The following UBE2G1 variants were observed in gnomAD, a reference collection of about 807,000 sequenced individuals.
UBE2G1 encodes ubiquitin-conjugating enzyme E2 G1.
A neutral mutation model predicts 22.7 loss-of-function variants in UBE2G1; 5 were observed. That is an observed-to-expected ratio of 0.22 (90% CI 0.12 to 0.46). UBE2G1 has a LOEUF of 0.46. Ranked by LOEUF, UBE2G1 falls within the 20% of genes least tolerant of loss-of-function variation. The pLI, the probability that UBE2G1 is intolerant of heterozygous loss-of-function variation, is 0.99. For synonymous variants in UBE2G1, 74 were observed against 67.5 expected, an observed-to-expected ratio of 1.10 and a Z score of -0.47; for missense variants, 88 against 203.9, an observed-to-expected ratio of 0.43 and a Z score of 3.46.
intron 1 of UBE2G1, among the ~76,000 whole-genome samples, chr17:4,315,479 G>T (rs1176256061): frequency 6.6e-6 from 1 of 152,038 alleles, no homozygotes; most frequent in Non-Finnish European, 1.5e-5. Context: ...TGTGGCTCGC[G>T]CCTGTAATCC....
At chr17:4,362,643 T>C (rs771250758) in intron 1 of UBE2G1, among the ~76,000 whole-genome samples, 13 of 152,212 alleles carry the variant, frequency 8.5e-5, no homozygotes, top group African/African-American at 2.2e-4. Flanking sequence ...TCCTTAAGGA[T>C]TGACAGACTA....
chr17:4,304,603 G>A (rs937708677), intron 2 of UBE2G1, among the ~76,000 whole-genome samples: 2 of 152,118 alleles, frequency 1.3e-5, no homozygotes, highest in Non-Finnish European at 1.5e-5. Flanking sequence ...AAAGAGAGTG[G>A]AGCGCCCTCT....
intron 1 of UBE2G1, among the ~76,000 whole-genome samples, chr17:4,317,855 T>C (rs532800532): frequency 6.6e-6 from 1 of 152,356 alleles, no homozygotes; most frequent in African/African-American, 2.4e-5. Context: ...CCAAGATTTG[T>C]CGCAGCAGGA....
At chr17:4,273,095 G>A (rs1968779543) in intron 5 of UBE2G1, among the ~76,000 whole-genome samples, 9 of 152,164 alleles carry the variant, frequency 5.9e-5, no homozygotes, top group Admixed American at 5.9e-4. Flanking sequence ...CAGTTTCTAA[G>A]TGTTTCAAAT....
chr17:4,291,550 A>G (rs965799749), intron 3 of UBE2G1, among the ~76,000 whole-genome samples: 1 of 152,072 alleles, frequency 6.6e-6, no homozygotes, highest in Admixed American at 6.6e-5. Context: ...ACTATATAAG[A>G]TCCATTTTCC....
chr17:4,322,442 T>A (rs573201739), intron 1 of UBE2G1, among the ~76,000 whole-genome samples: 1 of 152,238 alleles, frequency 6.6e-6, no homozygotes, highest in Non-Finnish European at 1.5e-5. Flanking sequence ...ATTTCTCTAA[T>A]TCAAATAACT....
chr17:4,343,398 G>C (rs942199996), intron 1 of UBE2G1, among the ~76,000 whole-genome samples: 1 of 152,030 alleles, frequency 6.6e-6, no homozygotes, highest in Non-Finnish European at 1.5e-5. Flanking sequence ...CAGCTACAAG[G>C]GAGGCTGAGG....
chr17:4,356,777 G>A (rs943474517), intron 1 of UBE2G1, among the ~76,000 whole-genome samples: 3 of 152,140 alleles, frequency 2.0e-5, no homozygotes, highest in African/African-American at 4.8e-5. Flanking sequence ...TCAACTTCCT[G>A]TTCCTTGAAC....
intron 2 of UBE2G1, 80 bp downstream of exon 2, chr17:4,306,941 T>C (rs886892863): frequency 5.2e-6 from 7 of 1,339,352 alleles, no homozygotes; most frequent in Non-Finnish European, 6.3e-6. Context: ...TGAGCCACCG[T>C]GCCCAGCCTG....
intron 2 of UBE2G1, among the ~76,000 whole-genome samples, chr17:4,301,157 T>A (rs1012883112): frequency 6.6e-6 from 1 of 152,232 alleles, no homozygotes; most frequent in Non-Finnish European, 1.5e-5. Flanking sequence ...AACATTGTTC[T>A]ATTAATCTAT....
At chr17:4,284,372 G>C (rs1968933211) in intron 4 of UBE2G1, among the ~76,000 whole-genome samples, 1 of 151,860 alleles carries the variant, frequency 6.6e-6, no homozygotes, top group Non-Finnish European at 1.5e-5. Flanking sequence ...GCAGAGGCAG[G>C]TGGATCACCT....
At chr17:4,305,234 G>A (rs1200349124) in intron 2 of UBE2G1, among the ~76,000 whole-genome samples, 2 of 152,040 alleles carry the variant, frequency 1.3e-5, no homozygotes, top group African/African-American at 2.4e-5. Flanking sequence ...ACGCCCGGCC[G>A]ACAACAAATA....
At chr17:4,274,615 ATG>A (rs1968800682) in intron 5 of UBE2G1, among the ~76,000 whole-genome samples, 1 of 152,232 alleles carries the variant, frequency 6.6e-6, no homozygotes, top group Non-Finnish European at 1.5e-5. Context: ...CGACTGCTAT[ATG>A]TCTTTCCAAA....
intron 1 of UBE2G1, among the ~76,000 whole-genome samples, chr17:4,327,212 G>A (rs1324148775): frequency 6.6e-6 from 1 of 152,052 alleles, no homozygotes. Context: ...AGGAAGAATC[G>A]CTTCAACCTG....
intron 1 of UBE2G1, among the ~76,000 whole-genome samples, chr17:4,331,562 A>G (rs1031019490): frequency 1.3e-5 from 2 of 152,230 alleles, no homozygotes; most frequent in African/African-American, 4.8e-5. Flanking sequence ...CGTGTCTTCT[A>G]GTTCAAGGTG....
chr17:4,275,948 T>G (rs1229591688), intron 5 of UBE2G1, among the ~76,000 whole-genome samples: 2 of 152,140 alleles, frequency 1.3e-5, no homozygotes, highest in African/African-American at 4.8e-5. Context: ...CTTTCTGAGC[T>G]CTCTGTGAGA....
chr17:4,349,324 T>C (rs759895204), intron 1 of UBE2G1, among the ~76,000 whole-genome samples: 32 of 152,080 alleles, frequency 2.1e-4, no homozygotes, highest in Non-Finnish European at 3.4e-4. Flanking sequence ...TGTGACACCA[T>C]ATATGTTTTT....
intron 1 of UBE2G1, among the ~76,000 whole-genome samples, chr17:4,354,641 CA>C (rs1969884182): frequency 6.6e-6 from 1 of 152,046 alleles, no homozygotes; most frequent in Non-Finnish European, 1.5e-5. Flanking sequence ...AGAAATTACC[CA>C]ATTTCTTTAT....
intron 1 of UBE2G1, among the ~76,000 whole-genome samples, chr17:4,313,716 G>C (rs905818107): frequency 6.6e-6 from 1 of 152,156 alleles, no homozygotes; most frequent in African/African-American, 2.4e-5. Context: ...TACTGGTAGA[G>C]GCATGCCGTC....
Sources: gnomAD v4.1 joint callset for allele counts (sites outside exome capture counted in the v4.1 genomes callset) on GRCh38, gnomAD v4.1.1 for gene constraint, MANE v1.5 for transcripts, NCBI Gene and HGNC (gene_info 2026-07-23, HGNC 2026-07-21) for gene names.